CNTNAP5: variants seen among roughly 807,000 people sequenced by gnomAD.
The protein encoded by CNTNAP5 is contactin-associated protein-like 5.
In CNTNAP5, 72 loss-of-function variants were observed where a neutral mutation model predicts 150.2. The ratio of observed to expected loss-of-function variants is 0.48; its 90% CI spans 0.40 to 0.58. The LOEUF (loss-of-function observed/expected upper bound fraction) is 0.58, where lower values mean the gene tolerates loss of function less well. Among genes scored for constraint, CNTNAP5 ranks in the 20% least tolerant of loss-of-function variants. CNTNAP5 has a pLI of 0.00. For synonymous variants in CNTNAP5, 672 were observed against 619.8 expected (o/e 1.08, Z -1.25); for missense variants, 1,636 against 1,626.2 (o/e 1.01, Z -0.10).
At chr2:124,123,712 A>C (rs933652662) in intron 1 of CNTNAP5, among the ~76,000 whole-genome samples, 1 of 152,246 alleles carries the variant, frequency 6.6e-6, no homozygotes, top group Admixed American at 6.5e-5. Flanking sequence ...AAGCTTCCAG[A>C]AGGACGATCT....
intron 1 of CNTNAP5, among the ~76,000 whole-genome samples, chr2:124,112,546 G>C (rs186455138): frequency 6.6e-6 from 1 of 152,142 alleles, no homozygotes; most frequent in Non-Finnish European, 1.5e-5. Flanking sequence ...GTTGAGTTTA[G>C]TGTTTTATTT....
At chr2:124,080,915 C>G (rs1230772116) in intron 1 of CNTNAP5, among the ~76,000 whole-genome samples, 1 of 152,078 alleles carries the variant, frequency 6.6e-6, no homozygotes, top group Non-Finnish European at 1.5e-5. Flanking sequence ...CGATAAGAAC[C>G]CTTTCCCTAG....
intron 12 of CNTNAP5, among the ~76,000 whole-genome samples, chr2:124,644,848 G>A (rs73955541): frequency 0.012 from 1,817 of 152,216 alleles, 33 homozygotes; most frequent in African/African-American, 0.041. Context: ...CCCTCGTACA[G>A]TGTTTGAAGC....
intron 14 of CNTNAP5, among the ~76,000 whole-genome samples, chr2:124,755,670 G>A (rs556545593): frequency 6.6e-6 from 1 of 152,256 alleles, no homozygotes; most frequent in South Asian, 2.1e-4. Flanking sequence ...CCCAATGTCT[G>A]CATTTTTTAA....
chr2:124,839,295 G>T (rs984650562), intron 19 of CNTNAP5, among the ~76,000 whole-genome samples: 14 of 152,072 alleles, frequency 9.2e-5, no homozygotes, highest in African/African-American at 3.4e-4. Context: ...AGGGAATGAC[G>T]TGAGAGGGGC....
intron 7 of CNTNAP5, among the ~76,000 whole-genome samples, chr2:124,490,029 G>A (rs2104848476): frequency 6.6e-6 from 1 of 152,240 alleles, no homozygotes; most frequent in South Asian, 2.1e-4. Context: ...AAGAAATGGA[G>A]GAACAGGCAG....
chr2:124,034,745 C>A (rs1477642927), intron 1 of CNTNAP5, among the ~76,000 whole-genome samples: 1 of 152,122 alleles, frequency 6.6e-6, no homozygotes, highest in Admixed American at 6.6e-5. Flanking sequence ...TTAGGTAAAC[C>A]CATGATCCTG....
chr2:124,598,686 C>G (rs1484121286), intron 11 of CNTNAP5, among the ~76,000 whole-genome samples: 2 of 151,904 alleles, frequency 1.3e-5, no homozygotes, highest in East Asian at 3.9e-4. Context: ...TTTGAGCTTC[C>G]CGGCTGCTTT....
At chr2:124,779,253 T>A (rs1469780248) in intron 17 of CNTNAP5, among the ~76,000 whole-genome samples, 1 of 152,238 alleles carries the variant, frequency 6.6e-6, no homozygotes, top group Non-Finnish European at 1.5e-5. Flanking sequence ...GCACAACTGT[T>A]GGGCCCAAGA....
intron 10 of CNTNAP5, among the ~76,000 whole-genome samples, chr2:124,555,796 T>A (rs906201734): frequency 6.6e-6 from 1 of 152,222 alleles, no homozygotes; most frequent in African/African-American, 2.4e-5. Context: ...TCTGGGTTAA[T>A]CTATTTTAAA....
At position 124,431,514 on chromosome 2, in the gene CNTNAP5, T is replaced by TATATATATAC. The variant is rs1692380168; in HGVS notation, c.530-2961_530-2960insCATATATATA. Among the ~76,000 whole-genome samples the TATATATATAC allele has an allele frequency of 2.0e-5, 3 of 146,490 alleles. No homozygotes were observed. In the South Asian group the frequency reaches 6.4e-4, roughly 31 times the overall value. ...TGGACAAAAAAGTGTCAAAGATATA[T>TATATATATAC]ATATATATATATATAAAATTTCTTT... is the stretch of plus-strand genomic sequence containing the variant. On this transcript the variant is annotated intron_variant, in intron 4 of 23. Coordinates refer to ENST00000682447, the MANE Select transcript of CNTNAP5 (RefSeq NM_001367498.1).
At chr2:124,672,176 T>C (rs1191866658) in intron 13 of CNTNAP5, among the ~76,000 whole-genome samples, 3 of 152,156 alleles carry the variant, frequency 2.0e-5, no homozygotes, top group African/African-American at 7.2e-5. Flanking sequence ...TTCTGGTGTC[T>C]TCACATGACC....
intron 3 of CNTNAP5, among the ~76,000 whole-genome samples, chr2:124,304,265 G>A (rs926013632): frequency 5.9e-5 from 9 of 152,118 alleles, no homozygotes; most frequent in Non-Finnish European, 1.0e-4. Context: ...ACTTTGCAAA[G>A]GGAGAATTTA....
intron 19 of CNTNAP5, among the ~76,000 whole-genome samples, chr2:124,832,113 A>G (rs1474764892): frequency 6.6e-6 from 1 of 152,116 alleles, no homozygotes; most frequent in East Asian, 1.9e-4. Context: ...GCCACCTTAA[A>G]ATATCTAGCA....
At chr2:124,083,322 A>G (rs139168174) in intron 1 of CNTNAP5, among the ~76,000 whole-genome samples, 3 of 152,212 alleles carry the variant, frequency 2.0e-5, no homozygotes, top group African/African-American at 7.2e-5. Flanking sequence ...ACTGCACTCC[A>G]GCCCTGGGCA....
intron 8 of CNTNAP5, among the ~76,000 whole-genome samples, chr2:124,517,560 TGGAG>T (rs1558936571): frequency 6.7e-6 from 1 of 149,966 alleles, no homozygotes; most frequent in African/African-American, 2.5e-5. Context: ...GTGTTGGTGA[TGGAG>T]GGTTGTGGTG....
At chr2:124,714,040 T>G (rs560983341) in intron 13 of CNTNAP5, among the ~76,000 whole-genome samples, 1 of 152,190 alleles carries the variant, frequency 6.6e-6, no homozygotes, top group Non-Finnish European at 1.5e-5. Context: ...AGGCTCTTTT[T>G]TTCCCCCCAA....
At position 124,914,629 on chromosome 2, in the gene CNTNAP5, C is replaced by T. The variant is rs13412339; in HGVS notation, c.*341C>T. 4.5e-3 allele frequency: 809 copies of T among 180,930 alleles called. 6 individuals are homozygous for T. Among genetic ancestry groups the T allele is most frequent in the African/African-American group, 0.018 (776 of 42,396 alleles). 11.2% of individuals were successfully genotyped at this position (180,930 alleles called of 1,614,324 possible). A position where few individuals can be genotyped will look rare whatever the true frequency, so the allele number is the denominator to read the frequency against. On this transcript the variant is annotated 3_prime_UTR_variant, in exon 24 of 24. Coordinates refer to ENST00000682447, the MANE Select transcript of CNTNAP5 (RefSeq NM_001367498.1). Reference sequence around the variant, plus strand: ...AATGCACTGTTCAGTTTTCCAACCACTTGGTGGTTCAGGCTTGCTTTGAAC... The same window carrying T: ...AATGCACTGTTCAGTTTTCCAACCATTTGGTGGTTCAGGCTTGCTTTGAAC...
intron 6 of CNTNAP5, among the ~76,000 whole-genome samples, chr2:124,455,211 G>A (rs1044608022): frequency 6.6e-6 from 1 of 151,734 alleles, no homozygotes; most frequent in Non-Finnish European, 1.5e-5. Context: ...GAAACGAAAT[G>A]AGAGACATTA....
Sources: gnomAD v4.1 joint callset for allele counts (sites outside exome capture counted in the v4.1 genomes callset) on GRCh38, gnomAD v4.1.1 for gene constraint, MANE v1.5 for transcripts, NCBI Gene and HGNC (gene_info 2026-07-23, HGNC 2026-07-21) for gene names.